The following NLGN1 variants were observed in gnomAD, a reference collection of about 807,000 sequenced individuals.
NLGN1 encodes neuroligin 1.
NLGN1 carries 12 observed loss-of-function variants against 65.5 expected under a neutral mutation model. The ratio of observed to expected loss-of-function variants is 0.18; its 90% CI spans 0.12 to 0.30. The LOEUF (loss-of-function observed/expected upper bound fraction) is 0.30. Among genes scored for constraint, NLGN1 ranks in the 10% least tolerant of loss-of-function variants. The probability of loss-of-function intolerance (pLI) is 1.00; values close to 1 mark genes in which losing one functional copy is unlikely to be tolerated. For missense variants in NLGN1, 750 were observed against 1,007.1 expected, an observed-to-expected ratio of 0.74 and a Z score of 3.46; for synonymous variants, 350 against 359.5, an observed-to-expected ratio of 0.97 and a Z score of 0.30.
At chr3:173,844,322 G>T (rs1036166980) in intron 4 of NLGN1, among the ~76,000 whole-genome samples, 1 of 152,164 alleles carries the variant, frequency 6.6e-6, no homozygotes, top group Admixed American at 6.5e-5. Flanking sequence ...GACAGAGGGG[G>T]TGTTTCGAGG....
At chr3:173,973,296 C>G (rs192253938) in intron 4 of NLGN1, among the ~76,000 whole-genome samples, 1 of 152,016 alleles carries the variant, frequency 6.6e-6, no homozygotes, top group African/African-American at 2.4e-5. Context: ...GACAATTGCC[C>G]GCTTAGTAGC....
At chr3:174,134,253 A>T (rs1044145122) in intron 4 of NLGN1, among the ~76,000 whole-genome samples, 1 of 152,156 alleles carries the variant, frequency 6.6e-6, no homozygotes, top group African/African-American at 2.4e-5. Context: ...AACATTAAGG[A>T]GTGACTGGCT....
chr3:173,448,227 A>T (rs1273343278), intron 2 of NLGN1, among the ~76,000 whole-genome samples: 1 of 152,126 alleles, frequency 6.6e-6, no homozygotes, highest in Non-Finnish European at 1.5e-5. Context: ...TTATTTTGAG[A>T]TACCTCCCAT....
At chr3:173,783,484 A>G (rs1578411267) in intron 3 of NLGN1, among the ~76,000 whole-genome samples, 1 of 152,200 alleles carries the variant, frequency 6.6e-6, no homozygotes, top group South Asian at 2.1e-4. Context: ...TCTGAGCTAT[A>G]TTTTAATTGA....
chr3:174,045,370 G>A (rs1308414348), intron 4 of NLGN1, among the ~76,000 whole-genome samples: 4 of 152,002 alleles, frequency 2.6e-5, no homozygotes, highest in Admixed American at 6.6e-5. Flanking sequence ...AGCGAAGAGG[G>A]GAAAAGCCCC....
chr3:173,968,539 TTAAG>T (rs746420166), intron 4 of NLGN1, among the ~76,000 whole-genome samples: 1 of 151,954 alleles, frequency 6.6e-6, no homozygotes, highest in Non-Finnish European at 1.5e-5. Context: ...AGGCTTATAA[TTAAG>T]TGTGTTAATC....
Position 174,115,741 on chromosome 3 carries a change from C to T in NLGN1, c.647-159574C>T, listed in dbSNP as rs115576101. Among the ~76,000 whole-genome samples, 978 of 152,230 alleles carry T rather than the reference C, an allele frequency of 6.4e-3. 8 individuals are homozygous for T. Among genetic ancestry groups the T allele is most frequent in the African/African-American group, 0.023 (939 of 41,534 alleles). On this transcript the variant is annotated intron_variant, in intron 4 of 6. Coordinates refer to ENST00000457714, the Ensembl canonical transcript of NLGN1. ...ATGTCACAATAACAAAGACAAAGCT[C>T]TAGGGTTTAAAAGTTTGGACTATAA...
intron 4 of NLGN1, among the ~76,000 whole-genome samples, chr3:173,952,944 A>C (rs954383640): frequency 6.6e-6 from 1 of 151,942 alleles, no homozygotes; most frequent in Non-Finnish European, 1.5e-5. Flanking sequence ...ACACCAGGCT[A>C]ATTTTTGTAT....
intron 3 of NLGN1, among the ~76,000 whole-genome samples, chr3:173,725,064 A>T (rs918414014): frequency 6.6e-6 from 1 of 152,112 alleles, no homozygotes; most frequent in African/African-American, 2.4e-5. Context: ...TAGGAGATAT[A>T]CCTAATGAAT....
chr3:174,110,916 T>C (rs2152617073), intron 4 of NLGN1, among the ~76,000 whole-genome samples: 1 of 152,040 alleles, frequency 6.6e-6, no homozygotes, highest in East Asian at 1.9e-4. Flanking sequence ...CTCTATGGCC[T>C]TTGGTAAATA....
At chr3:174,134,059 C>T (rs1424261666) in intron 4 of NLGN1, among the ~76,000 whole-genome samples, 1 of 152,084 alleles carries the variant, frequency 6.6e-6, no homozygotes, top group African/African-American at 2.4e-5. Context: ...GGTCTTCCTC[C>T]TCCTCAGCTT....
chr3:173,923,413 T>G (rs745891428), intron 4 of NLGN1, among the ~76,000 whole-genome samples: 2 of 152,146 alleles, frequency 1.3e-5, no homozygotes, highest in Non-Finnish European at 2.9e-5. Context: ...TTGGCCAGAA[T>G]GAATTGCCTG....
intron 4 of NLGN1, among the ~76,000 whole-genome samples, chr3:173,841,926 A>C (rs998286042): frequency 6.6e-6 from 1 of 152,186 alleles, no homozygotes; most frequent in Non-Finnish European, 1.5e-5. Flanking sequence ...ATATATGCTT[A>C]ATGGGAGGAA....
Position 174,279,664 on chromosome 3 carries a change from G to T in NLGN1, c.1649+14G>T, listed in dbSNP as rs1452455851. The T allele has an allele frequency of 6.9e-7, 1 of 1,450,392 alleles. No individual in the cohort carries two copies. The highest frequency in any genetic ancestry group is 1.3e-5 in the South Asian group (1 of 79,660). The allele number at this position is 1,450,392 out of a possible 1,614,324, so 89.8% of individuals were successfully genotyped here. Reference sequence around the variant, plus strand: ...TGCTAAAACTGGGTATGTACCTAAGGAATGAAGTTTATTTTTAATAAAAAT... The same window carrying T: ...TGCTAAAACTGGGTATGTACCTAAGTAATGAAGTTTATTTTTAATAAAAAT... On this transcript the variant is annotated intron_variant, in intron 6 of 6. Transcript: ENST00000457714. This position sits in a 1 kb window ranked among gnomAD's most constrained non-coding sequence, Gnocchi z 4.7.
At chr3:173,415,656 C>T (rs1001597197) in intron 1 of NLGN1, among the ~76,000 whole-genome samples, 1 of 152,062 alleles carries the variant, frequency 6.6e-6, no homozygotes, top group Non-Finnish European at 1.5e-5. Context: ...AGGTCAAAGT[C>T]TGAAAAGGCA....
intron 3 of NLGN1, among the ~76,000 whole-genome samples, chr3:173,685,026 T>C (rs1190330861): frequency 6.6e-6 from 1 of 151,760 alleles, no homozygotes; most frequent in East Asian, 1.9e-4. Flanking sequence ...GAATCCTCTA[T>C]GCCCGGTATG....
intron 4 of NLGN1, among the ~76,000 whole-genome samples, chr3:174,008,551 G>A (rs1268420859): frequency 6.6e-6 from 1 of 151,808 alleles, no homozygotes; most frequent in Non-Finnish European, 1.5e-5. Flanking sequence ...CTCACTCTTG[G>A]CTCTGCAGGC....
intron 4 of NLGN1, among the ~76,000 whole-genome samples, chr3:173,841,725 G>T (rs936227080): frequency 9.9e-5 from 15 of 152,132 alleles, no homozygotes; most frequent in Non-Finnish European, 1.9e-4. Flanking sequence ...CAAAGAAAAT[G>T]GATCAGCCTA....
rs1762132314 is a variant in NLGN1 at position 173,669,239 on chromosome 3, T to C, written c.493+64148T>C. Among the ~76,000 whole-genome samples, 4 of 152,182 alleles carry C rather than the reference T, an allele frequency of 2.6e-5. No homozygotes were observed. In the South Asian group the frequency reaches 8.3e-4, roughly 32 times the overall value. Reference sequence around the variant, plus strand: ...CATTTATTGGGTGTGTAGAGGGCAATGTAATACAATCTTGTTTTATATTGT... The same window carrying C: ...CATTTATTGGGTGTGTAGAGGGCAACGTAATACAATCTTGTTTTATATTGT... On this transcript the variant is annotated intron_variant, in intron 3 of 6. Transcript: ENST00000457714.
Sources: gnomAD v4.1 joint callset for allele counts (sites outside exome capture counted in the v4.1 genomes callset) on GRCh38, gnomAD v4.1.1 for gene constraint, Gnocchi (gnomAD v3.1) non-coding constraint, MANE v1.5 for transcripts, NCBI Gene and HGNC (gene_info 2026-07-23, HGNC 2026-07-21) for gene names.